The following CACNA2D4 variants were observed in gnomAD, a reference collection of about 807,000 sequenced individuals.
CACNA2D4 encodes the protein voltage-dependent calcium channel subunit alpha-2/delta-4.
A neutral mutation model predicts 163.8 loss-of-function variants in CACNA2D4; 157 were observed. The observed-to-expected ratio is 0.96, with a 90% CI of 0.84 to 1.09. The LOEUF is 1.09. CACNA2D4 is among the 50% of genes least tolerant of loss of function. The pLI is 0.00. For synonymous variants in CACNA2D4, 598 were observed against 586.9 expected, an observed-to-expected ratio of 1.02 and a Z score of -0.27; for missense variants, 1,410 against 1,479.9, an observed-to-expected ratio of 0.95 and a Z score of 0.78.
At chr12:1,896,114 G>C (rs934386830) in intron 6 of CACNA2D4, among the ~76,000 whole-genome samples, 1 of 152,154 alleles carries the variant, frequency 6.6e-6, no homozygotes, top group African/African-American at 2.4e-5. Context: ...TTAAATGTAA[G>C]TCCCCAAACT....
chr12:1,835,033 T>G, intron 26 of CACNA2D4: 1 of 325,934 alleles, frequency 3.1e-6, no homozygotes, highest in Non-Finnish European at 5.6e-6. Flanking sequence ...GGACTGGGCA[T>G]TCCCCTGTCG....
chr12:1,870,598 C>T (rs924272741), intron 18 of CACNA2D4, among the ~76,000 whole-genome samples: 4 of 151,940 alleles, frequency 2.6e-5, no homozygotes, highest in Admixed American at 6.6e-5. Context: ...TGCTTTTGGT[C>T]GCTTTCAAGT....
At chr12:1,795,225 C>T in intron 37 of CACNA2D4, 74 bp downstream of exon 37, 1 of 1,383,652 alleles carries the variant, frequency 7.2e-7, no homozygotes. Flanking sequence ...CTCCTGTCTG[C>T]AGGGGCACAG....
At chr12:1,880,619 G>A (rs964613346) in intron 13 of CACNA2D4, among the ~76,000 whole-genome samples, 2 of 152,254 alleles carry the variant, frequency 1.3e-5, no homozygotes, top group African/African-American at 2.4e-5. Context: ...TCGTAAGTCC[G>A]ACCTTGGATG....
intron 26 of CACNA2D4, among the ~76,000 whole-genome samples, chr12:1,816,840 G>A (rs897565401): frequency 6.6e-5 from 10 of 151,944 alleles, no homozygotes; most frequent in South Asian, 2.1e-4. Flanking sequence ...ACCCATGCAC[G>A]CACACATGGA....
intron 6 of CACNA2D4, among the ~76,000 whole-genome samples, chr12:1,902,759 G>T (rs928329962): frequency 1.2e-4 from 19 of 152,100 alleles, no homozygotes; most frequent in African/African-American, 4.3e-4. Context: ...TGGATTGGAA[G>T]AATTAATATA....
chr12:1,818,787 T>TA (rs1184186630), intron 26 of CACNA2D4, among the ~76,000 whole-genome samples: 31 of 62,864 alleles, frequency 4.9e-4, no homozygotes, highest in Admixed American at 1.2e-3. Flanking sequence ...ATAAATAAAT[T>TA]AAAAAAAAAA....
intron 1 of CACNA2D4, among the ~76,000 whole-genome samples, chr12:1,916,427 T>C (rs1473452977): frequency 6.6e-6 from 1 of 152,118 alleles, no homozygotes; most frequent in East Asian, 1.9e-4. Flanking sequence ...ATGTGTCTAG[T>C]AGGTAGAGAC....
At chr12:1,906,760 G>A (rs567866123) in intron 6 of CACNA2D4, among the ~76,000 whole-genome samples, 8 of 152,342 alleles carry the variant, frequency 5.3e-5, no homozygotes, top group African/African-American at 1.7e-4. Flanking sequence ...AACTGCAGGA[G>A]CTCTGAGTTC....
At chr12:1,808,234 C>T (rs1019397532) in intron 29 of CACNA2D4, among the ~76,000 whole-genome samples, 3 of 152,258 alleles carry the variant, frequency 2.0e-5, no homozygotes, top group East Asian at 1.9e-4. Flanking sequence ...GCCGCCTCCC[C>T]GCACGGTTGT....
Position 1,914,966 on chromosome 12 carries a change from A to C in CACNA2D4, c.228-31T>G, listed in dbSNP as rs375354259. On this transcript the variant is annotated intron_variant, in intron 1 of 37. Transcript: ENST00000382722. The stretch of plus-strand genomic sequence containing the variant: ...AGGCAATGAAAGGACACGCGTATAC[A>C]CACACGTACACGCACAAATACAGAA... 1.7e-5 allele frequency: 25 copies of C among 1,458,550 alleles called. No individual in the cohort carries two copies. In the African/African-American group the frequency reaches 3.5e-4, roughly 20 times the overall value. 90.4% of individuals were successfully genotyped at this position (1,458,550 alleles called of 1,614,324 possible).
Position 1,800,443 on chromosome 12 carries a change from G to T in CACNA2D4, c.2869-5C>A. The T allele has an allele frequency of 6.2e-7, 1 of 1,613,832 alleles. No individual in the cohort carries two copies. The highest frequency in any genetic ancestry group is 8.5e-7 in the Non-Finnish European group (1 of 1,179,808). On this transcript the variant is annotated splice_polypyrimidine_tract_variant and splice_region_variant and intron_variant, in intron 31 of 37. Coordinates refer to ENST00000382722, the MANE Select transcript of CACNA2D4 (RefSeq NM_172364.5). Reference sequence around the variant, plus strand: ...CGTCAAGAAGGCAGAAATTGGCTGGGAAGGAGAGAGTGCACACCGCTCGCA... The same window carrying T: ...CGTCAAGAAGGCAGAAATTGGCTGGTAAGGAGAGAGTGCACACCGCTCGCA...
At chr12:1,858,855 T>G (rs1865461602) in intron 19 of CACNA2D4, among the ~76,000 whole-genome samples, 1 of 152,198 alleles carries the variant, frequency 6.6e-6, no homozygotes, top group Non-Finnish European at 1.5e-5. Context: ...GAAGCCTTCC[T>G]TCCTAAGCAG....
In CACNA2D4 at chr12:1,886,504, T is replaced by C. The variant is rs1256068363; in HGVS notation, c.843-131A>G. On this transcript the variant is annotated intron_variant, in intron 7 of 37. Transcript: ENST00000382722. ...CCCAAAGTTCAGGGCAACCCATCTATGCCAGGTTTCACATGTTCCATAACC... is the reference window on the plus strand; with the variant it reads ...CCCAAAGTTCAGGGCAACCCATCTACGCCAGGTTTCACATGTTCCATAACC... 6.3e-6 allele frequency: 5 copies of C among 793,166 alleles called. No individual in the cohort carries two copies. In the Admixed American group the frequency reaches 7.9e-5, roughly 13 times the overall value. The allele number at this position is 793,166 out of a possible 1,614,324, so 49.1% of individuals were successfully genotyped here.
chr12:1,811,832 C>T (rs1001290562), intron 26 of CACNA2D4, 109 bp from the exon 27 acceptor site: 10 of 1,090,068 alleles, frequency 9.2e-6, no homozygotes, highest in Admixed American at 2.1e-5. Flanking sequence ...GGAGAGAGAC[C>T]GCAGCGGATG....
chr12:1,795,117 G>T (rs1308400626), intron 37 of CACNA2D4, 182 bp downstream of exon 37: 3 of 604,706 alleles, frequency 5.0e-6, no homozygotes, highest in South Asian at 4.0e-5. Context: ...ACTAAATAAA[G>T]ATCTGTTTCT....
Position 1,918,343 on chromosome 12 carries a change from C to G in CACNA2D4, c.131G>C (p.Trp44Ser). 6.2e-7 allele frequency: 1 copy of G among 1,608,870 alleles called. No individual in the cohort carries two copies. The highest frequency in any genetic ancestry group is 8.5e-7 in the Non-Finnish European group (1 of 1,177,612). Residue 44 changes from tryptophan to serine, a missense_variant, in exon 1 of 38, where the codon TGG (tryptophan) becomes TCG (serine). Coordinates refer to ENST00000382722, the MANE Select transcript of CACNA2D4 (RefSeq NM_172364.5). ...GGCCGAGGTCTTCTGCACAAAGGCCCAGGCCACGGGCATTGGCTGGAGGGG... is the reference window on the plus strand; with the variant it reads ...GGCCGAGGTCTTCTGCACAAAGGCCGAGGCCACGGGCATTGGCTGGAGGGG... The part of the protein sequence containing the change: ...WIPLQPMPVA[W>S]AFVQKTSALL...
At position 1,917,623 on chromosome 12, in the gene CACNA2D4, A is replaced by C. The variant is rs1453467100; in HGVS notation, c.227+624T>G. Among the ~76,000 whole-genome samples the C allele has an allele frequency of 2.0e-5, 3 of 152,202 alleles. No individual in the cohort carries two copies. The highest frequency in any genetic ancestry group is 7.2e-5 in the African/African-American group (3 of 41,442). On this transcript the variant is annotated intron_variant, in intron 1 of 37. Transcript: ENST00000382722. The surrounding 1 kb of genome is among the most constrained non-coding windows in gnomAD (Gnocchi z 4.3). ...TGCACAGTAATTTACATGTACACCA[A>C]GGTGCACATGACTGATACCGGGTTC... is the stretch of plus-strand genomic sequence containing the variant.
At chr12:1,873,877 T>C (rs1298737303) in intron 18 of CACNA2D4, among the ~76,000 whole-genome samples, 1 of 152,258 alleles carries the variant, frequency 6.6e-6, no homozygotes, top group African/African-American at 2.4e-5. Context: ...TCTCTCCCTG[T>C]GCTTTCTTGT....
Sources: allele counts gnomAD v4.1 joint callset (sites outside exome capture counted in the v4.1 genomes callset), GRCh38; gene constraint gnomAD v4.1.1; non-coding constraint Gnocchi (gnomAD v3.1); transcripts MANE v1.5; gene names NCBI Gene and HGNC (gene_info 2026-07-23, HGNC 2026-07-21).